PSMD12: variants seen among roughly 807,000 people sequenced by gnomAD.
PSMD12 encodes the protein 26S proteasome non-ATPase regulatory subunit 12.
In PSMD12, 8 loss-of-function variants were observed where a neutral mutation model predicts 62.9. The ratio of observed to expected loss-of-function variants is 0.13; its 90% CI spans 0.07 to 0.23. The LOEUF (loss-of-function observed/expected upper bound fraction) is 0.23. Among genes scored for constraint, PSMD12 ranks in the 10% least tolerant of loss-of-function variants. The pLI is 1.00. For missense variants in PSMD12, 424 were observed against 550.2 expected, an observed-to-expected ratio of 0.77 and a Z score of 2.29; for synonymous variants, 173 against 187.4, an observed-to-expected ratio of 0.92 and a Z score of 0.63.
chr17:67,348,447 TTG>T, intron 5 of PSMD12, 101 bp downstream of exon 5: 1 of 909,170 alleles, frequency 1.1e-6, no homozygotes, highest in Non-Finnish European at 1.7e-6. Context: ...AAAATAATTA[TTG>T]GTCCCAAACA....
chr17:67,356,883 C>A (rs1468577089), intron 3 of PSMD12, among the ~76,000 whole-genome samples: 1 of 151,668 alleles, frequency 6.6e-6, no homozygotes, highest in Non-Finnish European at 1.5e-5. Flanking sequence ...TGGCGGCATG[C>A]GCTTACAGTC....
At chr17:67,356,016 A>G (rs1047937991) in intron 3 of PSMD12, among the ~76,000 whole-genome samples, 2 of 147,958 alleles carry the variant, frequency 1.4e-5, no homozygotes, top group East Asian at 2.0e-4. Flanking sequence ...ACACGCACAC[A>G]CACACAAGAT....
At position 67,341,013 on chromosome 17, in the gene PSMD12, T is replaced by C. The variant is rs1320065056; in HGVS notation, c.1201A>G (p.Thr401Ala). Residue 401 changes from threonine to alanine, a missense_variant, in exon 11 of 11, where the codon ACC becomes GCC. Thr to Ala is a moderately conservative substitution (Grantham distance 58). Coordinates refer to ENST00000356126, the MANE Select transcript of PSMD12 (RefSeq NM_002816.5). ...AATCTGTCTACTTTAGCAAAGATGG[T>C]CTTGTTAACTACTAGATTTGAGAGA... ...AFLSNLVVNK[T>A]IFAKVDRLAG... 1.9e-6 allele frequency: 3 copies of C among 1,555,300 alleles called. No homozygotes were observed. The highest frequency in any genetic ancestry group is 2.6e-6 in the Non-Finnish European group (3 of 1,160,344).
chr17:67,350,091 G>T, intron 4 of PSMD12, 138 bp downstream of exon 4: 1 of 515,482 alleles, frequency 1.9e-6, no homozygotes, highest in Non-Finnish European at 3.3e-6. Context: ...ATTATTGGTT[G>T]AATTACAGTG....
At chr17:67,359,204 A>G (rs995263611) in intron 1 of PSMD12, among the ~76,000 whole-genome samples, 3 of 151,950 alleles carry the variant, frequency 2.0e-5, no homozygotes, top group Non-Finnish European at 4.4e-5. Context: ...AAAATTTACA[A>G]ATTAGCTGGG....
At chr17:67,366,143 A>G (rs1403174468) in intron 1 of PSMD12, among the ~76,000 whole-genome samples, 1 of 152,208 alleles carries the variant, frequency 6.6e-6, no homozygotes, top group African/African-American at 2.4e-5. Context: ...ACAGCATCCA[A>G]GAAACGGCAA....
rs2143673751 is a variant in PSMD12, at chr17:67,339,612, A to C, written c.*1231T>G. 1 of 152,334 alleles carries C rather than the reference A, an allele frequency of 6.6e-6. No homozygotes were observed. Among genetic ancestry groups the C allele is most frequent in the East Asian group, 1.9e-4 (1 of 5,190 alleles). The allele number at this position is 152,334 out of a possible 1,614,324, so 9.4% of individuals were successfully genotyped here. A position where few individuals can be genotyped will look rare whatever the true frequency, so the allele number is the denominator to read the frequency against. On this transcript the variant is annotated 3_prime_UTR_variant, in exon 11 of 11. Transcript: ENST00000356126. ...CAATTGATAATCTTCCATTAAGTGGAAAATTAATTAGGAGAAATGCCATTT... is the reference window on the plus strand; with the variant it reads ...CAATTGATAATCTTCCATTAAGTGGCAAATTAATTAGGAGAAATGCCATTT...
At chr17:67,365,184 C>CAAA (rs891969142) in intron 1 of PSMD12, among the ~76,000 whole-genome samples, 2 of 54,222 alleles carry the variant, frequency 3.7e-5, no homozygotes, top group African/African-American at 1.5e-4. Context: ...AACTCCGTCT[C>CAAA]AAAAAAAAAA....
intron 3 of PSMD12, 131 bp downstream of exon 3, chr17:67,357,172 A>T: frequency 3.0e-6 from 3 of 1,016,686 alleles, no homozygotes; most frequent in Non-Finnish European, 4.1e-6. Context: ...ATGTAGACTG[A>T]ATTTTAAAAC....
chr17:67,344,896 G>A (rs1216128005), intron 8 of PSMD12, 116 bp from the exon 9 acceptor site: 1 of 819,308 alleles, frequency 1.2e-6, no homozygotes, highest in Non-Finnish European at 1.8e-6. Context: ...TTATTTAGTA[G>A]AATGAGACAC....
At chr17:67,342,886 T>C (rs1598553669) in intron 9 of PSMD12, among the ~76,000 whole-genome samples, 1 of 150,650 alleles carries the variant, frequency 6.6e-6, no homozygotes, top group South Asian at 2.1e-4. Context: ...CAGTGTGCTA[T>C]GACTGTGCCA....
intron 1 of PSMD12, among the ~76,000 whole-genome samples, chr17:67,361,908 A>AGCGGCC: frequency 1.1e-5 from 1 of 89,834 alleles, no homozygotes; most frequent in African/African-American, 3.5e-5. Context: ...AAAAAAAAAA[A>AGCGGCC]AGGAAGGAAG....
At chr17:67,354,011 C>T (rs1402987850) in intron 3 of PSMD12, among the ~76,000 whole-genome samples, 2 of 150,690 alleles carry the variant, frequency 1.3e-5, no homozygotes, top group Non-Finnish European at 3.0e-5. Context: ...TTGTGACTTA[C>T]ATACGTTACT....
At chr17:67,346,211 G>A (rs562033515) in intron 7 of PSMD12, among the ~76,000 whole-genome samples, 3 of 152,208 alleles carry the variant, frequency 2.0e-5, no homozygotes, top group African/African-American at 4.8e-5. Flanking sequence ...TGGCTAATAC[G>A]GTGAAACCCT....
At chr17:67,359,332 G>C (rs959762901) in intron 1 of PSMD12, among the ~76,000 whole-genome samples, 1 of 152,200 alleles carries the variant, frequency 6.6e-6, no homozygotes. Flanking sequence ...TCCAGCCTGG[G>C]TGACAGAGTG....
chr17:67,363,386 CT>C (rs2042152220), intron 1 of PSMD12, among the ~76,000 whole-genome samples: 2 of 152,208 alleles, frequency 1.3e-5, no homozygotes, highest in Admixed American at 1.3e-4. Context: ...CTCAAGTGAT[CT>C]TTCCACCTGG....
chr17:67,344,840 A>G (rs1402096049), intron 8 of PSMD12, 60 bp from the exon 9 acceptor site: 17 of 1,320,956 alleles, frequency 1.3e-5, no homozygotes, highest in Non-Finnish European at 1.7e-5. Context: ...TAACTAATAT[A>G]ATAGCAAAGT....
chr17:67,343,325 C>T (rs1304739321), intron 9 of PSMD12, among the ~76,000 whole-genome samples: 6 of 152,174 alleles, frequency 3.9e-5, no homozygotes, highest in Non-Finnish European at 7.4e-5. Context: ...TGATTTCCTT[C>T]CTTAAAACAA....
intron 9 of PSMD12, 129 bp downstream of exon 9, chr17:67,344,477 A>T: frequency 1.1e-6 from 1 of 883,834 alleles, no homozygotes; most frequent in Non-Finnish European, 1.7e-6. Flanking sequence ...ATAACATCCT[A>T]AATGAACATT....
Sources: gnomAD v4.1 joint callset for allele counts (sites outside exome capture counted in the v4.1 genomes callset) on GRCh38, gnomAD v4.1.1 for gene constraint, MANE v1.5 for transcripts, NCBI Gene and HGNC (gene_info 2026-07-23, HGNC 2026-07-21) for gene names.